Variants in FRMPD4 observed in about 807,000 individuals in gnomAD.
The protein encoded by FRMPD4 is FERM and PDZ domain-containing protein 4.
FRMPD4 carries 22 observed loss-of-function variants against 94.1 expected under a neutral mutation model. That is an observed-to-expected ratio of 0.23 (90% CI 0.17 to 0.33). The LOEUF (loss-of-function observed/expected upper bound fraction) is 0.33, where lower values mean the gene tolerates loss of function less well. Among genes scored for constraint, FRMPD4 ranks in the 10% least tolerant of loss-of-function variants. The pLI, the probability that FRMPD4 is intolerant of heterozygous loss-of-function variation, is 1.00. For missense variants in FRMPD4, 1,111 were observed against 1,339.9 expected (o/e 0.83, Z 2.67); for synonymous variants, 631 against 548.6 (o/e 1.15, Z -2.10).
intron 2 of FRMPD4, among the ~76,000 whole-genome samples, chrX:12,554,022 G>A (rs746574580): frequency 2.0e-4 from 22 of 111,150 alleles, no homozygotes; most frequent in Admixed American, 5.8e-4. Flanking sequence ...TCTACAAAGC[G>A]CAAGTCTTGC....
chrX:12,436,348 T>C (rs948883800), intron 1 of FRMPD4, among the ~76,000 whole-genome samples: 13 of 111,000 alleles, frequency 1.2e-4, no homozygotes, highest in Non-Finnish European at 1.9e-5. Flanking sequence ...CTCTCTCTCT[T>C]TTTTCCTCTT....
chrX:11,979,374 T>C (rs2054385595), intron 3 of FRMPD4, among the ~76,000 whole-genome samples: 1 of 112,095 alleles, frequency 8.9e-6, no homozygotes, highest in Admixed American at 9.4e-5. Context: ...TGAATAATGG[T>C]CTTCTGAGCA....
At chrX:11,985,155 G>A (rs1421823952) in intron 3 of FRMPD4, among the ~76,000 whole-genome samples, 1 of 111,624 alleles carries the variant, frequency 9.0e-6, no homozygotes, top group Non-Finnish European at 1.9e-5. Flanking sequence ...CAAAAATCAA[G>A]AGAGGAGAGT....
intron 4 of FRMPD4, among the ~76,000 whole-genome samples, chrX:12,624,071 T>C (rs2059324339): frequency 8.9e-6 from 1 of 112,295 alleles, no homozygotes; most frequent in Non-Finnish European, 1.9e-5. Context: ...GACGGAAAGA[T>C]ATTCCTAGAC....
chrX:12,520,520 TA>T (rs1211150178), intron 2 of FRMPD4, among the ~76,000 whole-genome samples: 134 of 105,578 alleles, frequency 1.3e-3, no homozygotes, highest in East Asian at 6.4e-3. Flanking sequence ...TCCCCACAGT[TA>T]AAAAAAAAAA....
chrX:12,167,442 A>G (rs193025268), intron 1 of FRMPD4, among the ~76,000 whole-genome samples: 2 of 111,332 alleles, frequency 1.8e-5, no homozygotes, highest in African/African-American at 3.3e-5. Flanking sequence ...TTCTAAGAAT[A>G]TGGGGAAAAT....
chrX:12,680,126 A>G (rs917376119), intron 5 of FRMPD4, among the ~76,000 whole-genome samples: 1 of 112,367 alleles, frequency 8.9e-6, no homozygotes, highest in Non-Finnish European at 1.9e-5. Flanking sequence ...GCTATGTTCT[A>G]GTAACTTCTA....
chrX:12,076,825 C>T (rs1210077793), intron 3 of FRMPD4, among the ~76,000 whole-genome samples: 1 of 111,648 alleles, frequency 9.0e-6, no homozygotes, highest in East Asian at 2.8e-4. Context: ...TTCTCTCCCT[C>T]CTCCAAACAG....
intron 1 of FRMPD4, among the ~76,000 whole-genome samples, chrX:12,271,086 A>G (rs1015792433): frequency 2.3e-4 from 26 of 112,230 alleles, no homozygotes; most frequent in African/African-American, 8.4e-4. Flanking sequence ...TGGAACACGT[A>G]GTAATATTCC....
At chrX:12,169,409 G>T (rs750287656) in intron 1 of FRMPD4, among the ~76,000 whole-genome samples, 36 of 112,124 alleles carry the variant, frequency 3.2e-4, no homozygotes, top group Admixed American at 2.8e-3. Flanking sequence ...ACATCTAAAT[G>T]CAGTATACCT....
At chrX:12,293,573 G>A (rs147765026) in intron 1 of FRMPD4, among the ~76,000 whole-genome samples, 1 of 112,821 alleles carries the variant, frequency 8.9e-6, no homozygotes, top group East Asian at 2.8e-4. Context: ...AGCCAAGGCT[G>A]CTGACTCTGG....
chrX:12,479,454 A>G (rs767306734), intron 1 of FRMPD4, among the ~76,000 whole-genome samples: 97 of 100,942 alleles, frequency 9.6e-4, no homozygotes, highest in East Asian at 7.4e-3. Context: ...ATGTATATAT[A>G]TGTATATATG....
intron 1 of FRMPD4, among the ~76,000 whole-genome samples, chrX:12,426,188 G>A (rs895967632): frequency 2.4e-4 from 27 of 112,011 alleles, no homozygotes; most frequent in African/African-American, 8.4e-4. Context: ...AAGAAATATG[G>A]AGTAGTTTTC....
intron 1 of FRMPD4, among the ~76,000 whole-genome samples, chrX:12,195,570 G>C (rs1031718852): frequency 1.8e-5 from 2 of 111,519 alleles, no homozygotes; most frequent in Non-Finnish European, 3.8e-5. Flanking sequence ...GCCCAGAGTT[G>C]TTATTGTTGT....
At chrX:12,640,327 GT>G (rs2059487237) in intron 4 of FRMPD4, among the ~76,000 whole-genome samples, 1 of 100,359 alleles carries the variant, frequency 1.0e-5, no homozygotes, top group African/African-American at 3.6e-5. Flanking sequence ...AAAAAAGGTA[GT>G]AAGGAGAGAA....
At chrX:12,404,633 T>G (rs73434871) in intron 1 of FRMPD4, among the ~76,000 whole-genome samples, 8,490 of 111,987 alleles carry the variant, frequency 0.076, 770 homozygotes, top group African/African-American at 0.26. Flanking sequence ...GAACATAATT[T>G]CTCTTTGTTC....
intron 2 of FRMPD4, among the ~76,000 whole-genome samples, chrX:12,584,909 C>T (rs58498910): frequency 0.051 from 5,709 of 111,662 alleles, 350 homozygotes; most frequent in African/African-American, 0.18. Context: ...TTGGGTTTCT[C>T]TATTTTTATT....
intron 1 of FRMPD4, among the ~76,000 whole-genome samples, chrX:12,253,442 T>A (rs2054070589): frequency 8.9e-6 from 1 of 112,416 alleles, no homozygotes; most frequent in African/African-American, 3.2e-5. Context: ...TTTTAATGTG[T>A]CATGAGTTTT....
intron 3 of FRMPD4, among the ~76,000 whole-genome samples, chrX:11,880,922 C>T (rs755041048): frequency 8.9e-6 from 1 of 112,223 alleles, no homozygotes; most frequent in East Asian, 2.8e-4. Flanking sequence ...GGATTACAGG[C>T]GTGAGCCACT....
Sources: allele counts gnomAD v4.1 joint callset (sites outside exome capture counted in the v4.1 genomes callset), GRCh38; gene constraint gnomAD v4.1.1; transcripts MANE v1.5; gene names NCBI Gene and HGNC (gene_info 2026-07-23, HGNC 2026-07-21).